SHC3: variants seen among roughly 807,000 people sequenced by gnomAD.
SHC3 encodes SHC adaptor protein 3.
Under a neutral mutation model 60.4 loss-of-function variants are expected in SHC3, and 15 were observed. The observed-to-expected ratio is 0.25, with a 90% CI of 0.17 to 0.38. The LOEUF is 0.38. SHC3 is among the 10% of genes least tolerant of loss of function. SHC3 has a pLI of 1.00. For synonymous variants in SHC3, 294 were observed against 325.9 expected (o/e 0.90, Z 1.05); for missense variants, 677 against 786.1 (o/e 0.86, Z 1.66).
At chr9:89,034,826 T>C (rs889985541) in intron 11 of SHC3, among the ~76,000 whole-genome samples, 4 of 152,190 alleles carry the variant, frequency 2.6e-5, no homozygotes, top group African/African-American at 9.6e-5. Flanking sequence ...TGTGCTGATC[T>C]AATACAGAAA....
intron 9 of SHC3, among the ~76,000 whole-genome samples, chr9:89,043,871 A>G (rs11137492): frequency 0.052 from 7,962 of 152,122 alleles, 273 homozygotes; most frequent in Middle Eastern, 0.09. Flanking sequence ...CCAGGCTGGC[A>G]TCGAACTCCT....
chr9:89,038,097 C>T lies in SHC3; in HGVS notation c.1552G>A (p.Asp518Asn), dbSNP rs748353386. 15 of 1,614,030 alleles carry T rather than the reference C, an allele frequency of 9.3e-6. No individual in the cohort carries two copies. In the East Asian group the frequency reaches 2.2e-4, roughly 24 times the overall value. ...EAEGLLEKDG[D>N]FLVRKSTTNP... ...GTGGTGCTCTTCCTGACCAGGAAGTCTCCGTCTTTCTCCAGCAGCCCCTCT... is the reference window on the plus strand; with the variant it reads ...GTGGTGCTCTTCCTGACCAGGAAGTTTCCGTCTTTCTCCAGCAGCCCCTCT... The change falls in exon 11 of 12, where the codon GAC becomes AAC. Residue 518 changes from aspartate (D) to asparagine (N), a missense_variant. Coordinates refer to ENST00000375835, the MANE Select transcript of SHC3 (RefSeq NM_016848.6).
rs1564095035 is a variant in SHC3, at chr9:89,042,784, C to G, written c.1202-600G>C. On this transcript the variant is annotated intron_variant, in intron 9 of 11. Transcript: ENST00000375835. Reference sequence around the variant, plus strand: ...CTCTGCTGAGGCAGTGATGCTGCCTCGATGTGACTTCACAGCTAGCCAATG... The same window carrying G: ...CTCTGCTGAGGCAGTGATGCTGCCTGGATGTGACTTCACAGCTAGCCAATG... Among the ~76,000 whole-genome samples the G allele has an allele frequency of 2.0e-5, 3 of 152,078 alleles. No homozygotes were observed. The South Asian group carries it at 6.2e-4, about 32-fold the overall frequency.
chr9:89,169,331 C>T (rs759335853), intron 1 of SHC3, among the ~76,000 whole-genome samples: 4 of 152,096 alleles, frequency 2.6e-5, no homozygotes, highest in Admixed American at 1.3e-4. Flanking sequence ...AAATCCAGGA[C>T]GTCTGAGCAC....
intron 1 of SHC3, among the ~76,000 whole-genome samples, chr9:89,143,917 T>C (rs1826431501): frequency 6.6e-6 from 1 of 152,164 alleles, no homozygotes; most frequent in Non-Finnish European, 1.5e-5. Flanking sequence ...CACTGATATA[T>C]GTCTGGACTC....
intron 1 of SHC3, among the ~76,000 whole-genome samples, chr9:89,137,027 G>C (rs922157049): frequency 6.6e-6 from 1 of 152,056 alleles, no homozygotes; most frequent in African/African-American, 2.4e-5. Flanking sequence ...GCAGGATGGA[G>C]AGAGAGTGAA....
chr9:89,037,948 C>T, intron 11 of SHC3, 45 bp downstream of exon 11: 8 of 1,590,184 alleles, frequency 5.0e-6, no homozygotes, highest in Admixed American at 1.7e-5. Context: ...TAAGGCAGGT[C>T]TGCACCCACT....
intron 2 of SHC3, among the ~76,000 whole-genome samples, chr9:89,083,137 G>A (rs1435116522): frequency 6.6e-6 from 1 of 152,176 alleles, no homozygotes; most frequent in African/African-American, 2.4e-5. Flanking sequence ...CCTCCATGGG[G>A]AAGGTGAGCC....
chr9:89,018,594 C>T (rs1439388990), intron 11 of SHC3, among the ~76,000 whole-genome samples: 4 of 151,988 alleles, frequency 2.6e-5, no homozygotes, highest in African/African-American at 9.7e-5. Flanking sequence ...ATGCAACAAA[C>T]CTGCATGTTC....
intron 5 of SHC3, 113 bp downstream of exon 5, chr9:89,071,086 T>A (rs1039729599): frequency 1.1e-6 from 1 of 884,644 alleles, no homozygotes; most frequent in African/African-American, 1.7e-5. Flanking sequence ...GGGAAATTAG[T>A]TGCCATCACA....
At chr9:89,130,695 T>G (rs1296646100) in intron 1 of SHC3, among the ~76,000 whole-genome samples, 1 of 152,120 alleles carries the variant, frequency 6.6e-6, no homozygotes, top group African/African-American at 2.4e-5. Flanking sequence ...AAGGCAGAAA[T>G]AAAGATGCTC....
At chr9:89,085,774 G>C (rs577430149) in intron 2 of SHC3, among the ~76,000 whole-genome samples, 1 of 152,258 alleles carries the variant, frequency 6.6e-6, no homozygotes, top group South Asian at 2.1e-4. Flanking sequence ...TCCAAAATAA[G>C]GACACAGGGC....
intron 1 of SHC3, among the ~76,000 whole-genome samples, chr9:89,173,694 GGTGTGTATGTGCATAT>G (rs1826903067): frequency 1.3e-5 from 2 of 151,944 alleles, no homozygotes; most frequent in South Asian, 4.2e-4. Context: ...GTGGGTGCAT[GGTGTGTATGTGCATAT>G]GTGTGTGTAT....
At chr9:89,146,976 A>G (rs888529426) in intron 1 of SHC3, among the ~76,000 whole-genome samples, 4 of 152,234 alleles carry the variant, frequency 2.6e-5, no homozygotes, top group Admixed American at 2.6e-4. Flanking sequence ...TATGTCCACC[A>G]AAACAAATGT....
chr9:89,160,498 C>T (rs928316736), intron 1 of SHC3, among the ~76,000 whole-genome samples: 2 of 152,152 alleles, frequency 1.3e-5, no homozygotes, highest in African/African-American at 4.8e-5. Flanking sequence ...CCTGCAATAC[C>T]TTCCACAGAA....
intron 1 of SHC3, among the ~76,000 whole-genome samples, chr9:89,161,308 G>A (rs944121222): frequency 1.3e-5 from 2 of 152,024 alleles, no homozygotes; most frequent in East Asian, 1.9e-4. Flanking sequence ...AAGTGTAGGC[G>A]CCCTCCTTCT....
At position 89,036,829 on chromosome 9, in the gene SHC3, G is replaced by C. The variant is rs184142763; in HGVS notation, c.1656+1164C>G. 2.7e-3 allele frequency among the ~76,000 whole-genome samples: 417 copies of C among 152,164 alleles called. 1 individual carries two copies. Among genetic ancestry groups the C allele is most frequent in the Admixed American group, 6.0e-3 (92 of 15,274 alleles). ...ACAGTTCAGGGCAGCCTTGACCTACGGGGCTCAAGCAATCCTCCCACCTCT... is the reference window on the plus strand; with the variant it reads ...ACAGTTCAGGGCAGCCTTGACCTACCGGGCTCAAGCAATCCTCCCACCTCT... On this transcript the variant is annotated intron_variant, in intron 11 of 11. Coordinates refer to ENST00000375835, the MANE Select transcript of SHC3 (RefSeq NM_016848.6).
chr9:89,128,889 C>G (rs138543965), intron 1 of SHC3, among the ~76,000 whole-genome samples: 2,477 of 152,240 alleles, frequency 0.016, 43 homozygotes, highest in Non-Finnish European at 0.021. Context: ...CAGAACAAAG[C>G]TGGACGGAGA....
At chr9:89,115,676 G>A (rs1472595221) in intron 1 of SHC3, among the ~76,000 whole-genome samples, 1 of 152,132 alleles carries the variant, frequency 6.6e-6, no homozygotes, top group African/African-American at 2.4e-5. Flanking sequence ...GAACTGCACA[G>A]TGCATGTCAA....
Sources: gnomAD v4.1 joint callset for allele counts (sites outside exome capture counted in the v4.1 genomes callset) on GRCh38, gnomAD v4.1.1 for gene constraint, MANE v1.5 for transcripts, NCBI Gene and HGNC (gene_info 2026-07-23, HGNC 2026-07-21) for gene names.